Variants in CNTN3 observed in about 807,000 individuals in gnomAD.
The protein encoded by CNTN3 is contactin 3.
Under a neutral mutation model 119.1 loss-of-function variants are expected in CNTN3, and 60 were observed. That is an observed-to-expected ratio of 0.50 (90% CI 0.41 to 0.62). The LOEUF (loss-of-function observed/expected upper bound fraction) is 0.62, where lower values mean the gene tolerates loss of function less well. Among genes scored for constraint, CNTN3 ranks in the 20% least tolerant of loss-of-function variants. CNTN3 has a pLI of 0.00. For synonymous variants in CNTN3, 450 were observed against 438.7 expected (o/e 1.03, Z -0.32); for missense variants, 1,101 against 1,242.4 (o/e 0.89, Z 1.71).
At chr3:74,411,979 G>A (rs988699869) in intron 5 of CNTN3, among the ~76,000 whole-genome samples, 1 of 152,060 alleles carries the variant, frequency 6.6e-6, no homozygotes, top group African/African-American at 2.4e-5. Flanking sequence ...TAGAAAAAAC[G>A]GAAAAGTCCT....
intron 13 of CNTN3, among the ~76,000 whole-genome samples, chr3:74,323,456 C>T (rs1703046269): frequency 6.6e-6 from 1 of 152,054 alleles, no homozygotes; most frequent in East Asian, 1.9e-4. Flanking sequence ...TTGGGGATTT[C>T]GAAAGTTCTG....
At chr3:74,437,314 T>A (rs1701884357) in intron 4 of CNTN3, among the ~76,000 whole-genome samples, 1 of 151,738 alleles carries the variant, frequency 6.6e-6, no homozygotes, top group Non-Finnish European at 1.5e-5. Flanking sequence ...TACAAAAAAT[T>A]AGCCGGGTGT....
chr3:74,425,386 C>A (rs7649980), intron 4 of CNTN3, among the ~76,000 whole-genome samples: 90,411 of 151,988 alleles, frequency 0.59, 29,594 homozygotes, highest in East Asian at 0.81. Context: ...ATCTCTTTCC[C>A]AGAACCTAGA....
At chr3:74,496,815 CAATT>C (rs557990733) in intron 3 of CNTN3, among the ~76,000 whole-genome samples, 97 of 152,150 alleles carry the variant, frequency 6.4e-4, no homozygotes, top group African/African-American at 2.2e-3. Flanking sequence ...ATAAAATCCT[CAATT>C]AAACCCTAAG....
At chr3:74,380,888 T>C (rs1300276346) in intron 5 of CNTN3, among the ~76,000 whole-genome samples, 1 of 152,210 alleles carries the variant, frequency 6.6e-6, no homozygotes, top group Non-Finnish European at 1.5e-5. Context: ...GGGGCTTCAT[T>C]GTTCTCATCT....
At chr3:74,585,288 G>A (rs1170801542) in intron 1 of CNTN3, among the ~76,000 whole-genome samples, 1 of 152,086 alleles carries the variant, frequency 6.6e-6, no homozygotes, top group Non-Finnish European at 1.5e-5. Flanking sequence ...TGTAAATTCT[G>A]TATTGCATTT....
At chr3:74,571,544 A>G (rs1284664402) in intron 1 of CNTN3, among the ~76,000 whole-genome samples, 4 of 152,090 alleles carry the variant, frequency 2.6e-5, no homozygotes, top group Non-Finnish European at 5.9e-5. Flanking sequence ...GCCTGCTTTT[A>G]TGGGGTGATT....
chr3:74,313,562 G>C (rs530068274), intron 13 of CNTN3, among the ~76,000 whole-genome samples: 1 of 152,296 alleles, frequency 6.6e-6, no homozygotes, highest in East Asian at 1.9e-4. Context: ...ACATGAGGCA[G>C]TTGATTAATA....
chr3:74,588,106 G>C (rs191769851), intron 1 of CNTN3, among the ~76,000 whole-genome samples: 32 of 152,094 alleles, frequency 2.1e-4, no homozygotes, highest in Non-Finnish European at 1.3e-4. Flanking sequence ...TTATTGATTT[G>C]TGTATATTGC....
chr3:74,485,283 A>G (rs931368127), intron 4 of CNTN3, among the ~76,000 whole-genome samples: 11 of 152,228 alleles, frequency 7.2e-5, no homozygotes, highest in Admixed American at 6.5e-4. Flanking sequence ...ATAAACTTAA[A>G]TTCTGTCTAT....
At chr3:74,469,679 A>G (rs1702525456) in intron 4 of CNTN3, among the ~76,000 whole-genome samples, 1 of 152,200 alleles carries the variant, frequency 6.6e-6, no homozygotes, top group Non-Finnish European at 1.5e-5. Flanking sequence ...GGATGGTTAT[A>G]ATAAAAAGAC....
At chr3:74,461,445 G>A (rs189915051) in intron 4 of CNTN3, among the ~76,000 whole-genome samples, 11 of 152,006 alleles carry the variant, frequency 7.2e-5, no homozygotes, top group Admixed American at 2.0e-4. Flanking sequence ...TAGACCTAGA[G>A]GCTTGATTAG....
At chr3:74,440,309 C>G (rs1701940654) in intron 4 of CNTN3, among the ~76,000 whole-genome samples, 1 of 152,058 alleles carries the variant, frequency 6.6e-6, no homozygotes, top group Non-Finnish European at 1.5e-5. Context: ...TTAAGTGATT[C>G]CAATAAGAGA....
intron 1 of CNTN3, among the ~76,000 whole-genome samples, chr3:74,611,305 T>C (rs1484200777): frequency 6.6e-6 from 1 of 152,218 alleles, no homozygotes; most frequent in Non-Finnish European, 1.5e-5. Flanking sequence ...TGAAATGCTA[T>C]AAAGTTCTGC....
chr3:74,293,080 A>G (rs1018805401), intron 19 of CNTN3, among the ~76,000 whole-genome samples: 1 of 152,218 alleles, frequency 6.6e-6, no homozygotes, highest in Non-Finnish European at 1.5e-5. Context: ...TGTCAAGACC[A>G]GTGTTTATTA....
chr3:74,295,078 G>T, intron 19 of CNTN3, 43 bp downstream of exon 19: 1 of 1,302,584 alleles, frequency 7.7e-7, no homozygotes, highest in Non-Finnish European at 1.1e-6. Flanking sequence ...AGACAAAGTG[G>T]CACGGTAACA....
intron 1 of CNTN3, among the ~76,000 whole-genome samples, chr3:74,555,194 T>G (rs1344941237): frequency 1.3e-5 from 2 of 152,240 alleles, no homozygotes; most frequent in African/African-American, 4.8e-5. Flanking sequence ...TCATTGGTTA[T>G]GTTTATGTGA....
At chr3:74,335,929 C>T (rs1483258385) in intron 12 of CNTN3, among the ~76,000 whole-genome samples, 1 of 152,120 alleles carries the variant, frequency 6.6e-6, no homozygotes, top group Non-Finnish European at 1.5e-5. Flanking sequence ...TGCCACTATG[C>T]ACCTCTTTCT....
chr3:74,417,007 G>C (rs1282254493), intron 5 of CNTN3, among the ~76,000 whole-genome samples: 2 of 151,180 alleles, frequency 1.3e-5, no homozygotes, highest in Admixed American at 6.6e-5. Context: ...AAAAAGGAAA[G>C]AAAGCAACAG....
Sources: allele counts gnomAD v4.1 joint callset (sites outside exome capture counted in the v4.1 genomes callset), GRCh38; gene constraint gnomAD v4.1.1; transcripts MANE v1.5; gene names NCBI Gene and HGNC (gene_info 2026-07-23, HGNC 2026-07-21).